SLC44A5: variants seen among roughly 807,000 people sequenced by gnomAD.
SLC44A5 encodes the protein choline transporter-like protein 5.
A neutral mutation model predicts 101.8 loss-of-function variants in SLC44A5; 57 were observed. The observed-to-expected ratio is 0.56, with a 90% CI of 0.45 to 0.70. The LOEUF (loss-of-function observed/expected upper bound fraction) is 0.70, where lower values mean the gene tolerates loss of function less well. SLC44A5 is among the 30% of genes least tolerant of loss of function. The probability of loss-of-function intolerance (pLI) is 0.00; values close to 1 mark genes in which losing one functional copy is unlikely to be tolerated. For synonymous variants in SLC44A5, 281 were observed against 290.9 expected (o/e 0.97, Z 0.35); for missense variants, 737 against 853.1 (o/e 0.86, Z 1.70).
At chr1:75,319,066 G>T (rs932596210) in intron 4 of SLC44A5, among the ~76,000 whole-genome samples, 1 of 151,828 alleles carries the variant, frequency 6.6e-6, no homozygotes, top group South Asian at 2.1e-4. Context: ...AAATAATAAG[G>T]CCCCAATAAA....
chr1:75,363,998 C>T, intron 3 of SLC44A5, among the ~76,000 whole-genome samples: 1 of 152,126 alleles, frequency 6.6e-6, no homozygotes, highest in East Asian at 1.9e-4. Context: ...CCTACTTCTC[C>T]TTGTCTGCAG....
chr1:75,444,580 G>GC (rs1665436580), intron 2 of SLC44A5, among the ~76,000 whole-genome samples: 1 of 147,426 alleles, frequency 6.8e-6, no homozygotes, highest in South Asian at 2.2e-4. Flanking sequence ...TTTTTGCTTT[G>GC]TTTTTTTTTT....
chr1:75,676,005 T>A, the SLC44A5 span, among the ~76,000 whole-genome samples: 34 of 152,156 alleles, frequency 2.2e-4, no homozygotes, highest in African/African-American at 8.0e-4. Flanking sequence ...TGAGATATCA[T>A]CTCATGCCAG....
intron 15 of SLC44A5, among the ~76,000 whole-genome samples, chr1:75,219,575 AG>A (rs1185471557): frequency 6.6e-6 from 1 of 152,168 alleles, no homozygotes; most frequent in East Asian, 1.9e-4. Context: ...CTTATTGCTA[AG>A]GAGCAGTATC....
the SLC44A5 span, among the ~76,000 whole-genome samples, chr1:75,660,148 G>A: frequency 6.6e-6 from 1 of 152,102 alleles, no homozygotes. Context: ...ATGTTGCAGT[G>A]AGCTGAGATT....
intron 2 of SLC44A5, among the ~76,000 whole-genome samples, chr1:75,534,230 A>T (rs1415538488): frequency 6.6e-6 from 1 of 152,194 alleles, no homozygotes; most frequent in South Asian, 2.1e-4. Flanking sequence ...ACCTTTTGCA[A>T]ATCACCTGTT....
chr1:75,688,776 C>A, the SLC44A5 span, among the ~76,000 whole-genome samples: 3 of 152,160 alleles, frequency 2.0e-5, no homozygotes, highest in African/African-American at 7.2e-5. Context: ...AGAAGCCAGG[C>A]AAGGACTCCA....
At chr1:75,716,427 C>T in the SLC44A5 span, among the ~76,000 whole-genome samples, 2 of 151,934 alleles carry the variant, frequency 1.3e-5, no homozygotes, top group Non-Finnish European at 1.5e-5. Context: ...GCCATGATCA[C>T]GCCGCTGCAC....
At chr1:75,619,592 A>AACAGAACAC in the SLC44A5 span, among the ~76,000 whole-genome samples, 1 of 152,152 alleles carries the variant, frequency 6.6e-6, no homozygotes, top group Non-Finnish European at 1.5e-5. Context: ...GGGTAGGCCT[A>AACAGAACAC]ACAGAACACA....
At chr1:75,425,381 A>T (rs774172933) in intron 2 of SLC44A5, among the ~76,000 whole-genome samples, 24 of 152,214 alleles carry the variant, frequency 1.6e-4, no homozygotes, top group Non-Finnish European at 2.8e-4. Flanking sequence ...AATCAGAGAG[A>T]AAGGCCAAAA....
At chr1:75,483,686 C>G (rs2779489) in intron 2 of SLC44A5, among the ~76,000 whole-genome samples, 2 of 151,980 alleles carry the variant, frequency 1.3e-5, no homozygotes, top group Non-Finnish European at 2.9e-5. Context: ...AAATTTTAAA[C>G]GAGGGTATTG....
the SLC44A5 span, among the ~76,000 whole-genome samples, chr1:75,707,813 T>G: frequency 6.6e-6 from 1 of 151,980 alleles, no homozygotes; most frequent in East Asian, 1.9e-4. Flanking sequence ...AATATCAAAT[T>G]TGGATAAATT....
chr1:75,684,595 C>A, the SLC44A5 span, among the ~76,000 whole-genome samples: 1 of 152,160 alleles, frequency 6.6e-6, no homozygotes, highest in Non-Finnish European at 1.5e-5. Flanking sequence ...AGTCCAAAAT[C>A]CAGCAGGGTA....
chr1:75,240,088 A>G (rs1648484876), intron 9 of SLC44A5, among the ~76,000 whole-genome samples: 1 of 152,054 alleles, frequency 6.6e-6, no homozygotes, highest in East Asian at 1.9e-4. Context: ...TCATTACTAA[A>G]TGTGTTCATT....
At chr1:75,254,195 T>C (rs636855) in intron 6 of SLC44A5, among the ~76,000 whole-genome samples, 126,130 of 152,042 alleles carry the variant, frequency 0.83, 52,614 homozygotes, top group East Asian at 0.95. Context: ...CCTACCACCA[T>C]GCCCAGCTAA....
At chr1:75,327,109 A>G (rs1405296079) in intron 4 of SLC44A5, among the ~76,000 whole-genome samples, 1 of 151,276 alleles carries the variant, frequency 6.6e-6, no homozygotes, top group Non-Finnish European at 1.5e-5. Context: ...ACTGTCTGAT[A>G]GTAAGCATCC....
At chr1:75,570,439 G>T (rs377360409) in intron 1 of SLC44A5, among the ~76,000 whole-genome samples, 1 of 152,158 alleles carries the variant, frequency 6.6e-6, no homozygotes, top group Non-Finnish European at 1.5e-5. Flanking sequence ...GGTGAAAGAG[G>T]AGGGTTCAAT....
At chr1:75,390,462 A>C (rs2101350952) in intron 3 of SLC44A5, among the ~76,000 whole-genome samples, 1 of 152,078 alleles carries the variant, frequency 6.6e-6, no homozygotes, top group East Asian at 1.9e-4. Flanking sequence ...TCAATAAGCT[A>C]ATTCATCCTA....
intron 3 of SLC44A5, among the ~76,000 whole-genome samples, chr1:75,344,058 T>G (rs1658077015): frequency 6.6e-6 from 1 of 152,126 alleles, no homozygotes; most frequent in South Asian, 2.1e-4. Flanking sequence ...CTTTTCATAT[T>G]CATATTCTGT....
Sources: allele counts gnomAD v4.1 joint callset (sites outside exome capture counted in the v4.1 genomes callset), GRCh38; gene constraint gnomAD v4.1.1; transcripts MANE v1.5; gene names NCBI Gene and HGNC (gene_info 2026-07-23, HGNC 2026-07-21).